Variants in DOK6 observed in about 807,000 individuals in gnomAD.
DOK6 encodes docking protein 6, also known as downstream of tyrosine kinase 6.
Under a neutral mutation model 44.0 loss-of-function variants are expected in DOK6, and 22 were observed. The observed-to-expected ratio is 0.50, with a 90% confidence interval of 0.36 to 0.71. DOK6 has a LOEUF of 0.71. Among genes scored for constraint, DOK6 ranks in the 30% least tolerant of loss-of-function variants. DOK6 has a pLI of 0.00. For missense variants in DOK6, 340 were observed against 416.4 expected (o/e 0.82, Z 1.60); for synonymous variants, 166 against 145.5 (o/e 1.14, Z -1.01).
At chr18:69,820,524 G>T (rs1242383275) in intron 7 of DOK6, among the ~76,000 whole-genome samples, 1 of 152,096 alleles carries the variant, frequency 6.6e-6, no homozygotes, top group Non-Finnish European at 1.5e-5. Context: ...CCTTAAACTT[G>T]CTATTTTTAA....
intron 1 of DOK6, among the ~76,000 whole-genome samples, chr18:69,542,297 G>T (rs1982290541): frequency 6.6e-6 from 1 of 151,422 alleles, no homozygotes; most frequent in Non-Finnish European, 1.5e-5. Flanking sequence ...CATTTTGTAA[G>T]CAGGAATAAT....
chr18:69,427,465 G>A (rs1295065624), intron 1 of DOK6, among the ~76,000 whole-genome samples: 1 of 152,148 alleles, frequency 6.6e-6, no homozygotes, highest in Admixed American at 6.5e-5. Flanking sequence ...TACAGATGAT[G>A]GCAAGGTGGT....
intron 1 of DOK6, among the ~76,000 whole-genome samples, chr18:69,444,327 G>T (rs1462523865): frequency 6.6e-6 from 1 of 152,112 alleles, no homozygotes; most frequent in Non-Finnish European, 1.5e-5. Flanking sequence ...TATTTGAAGA[G>T]AACTAAAGAA....
At chr18:69,742,843 T>A (rs781542810) in intron 6 of DOK6, among the ~76,000 whole-genome samples, 1 of 152,238 alleles carries the variant, frequency 6.6e-6, no homozygotes. Context: ...ATCACCATCA[T>A]TGAATTTTGC....
At chr18:69,711,602 A>C (rs1986758577) in intron 5 of DOK6, among the ~76,000 whole-genome samples, 1 of 152,236 alleles carries the variant, frequency 6.6e-6, no homozygotes, top group African/African-American at 2.4e-5. Flanking sequence ...GCTCCTTGAA[A>C]TTCTGAACAA....
In DOK6 at chr18:69,542,560, C is replaced by T. The variant is rs1000039437; in HGVS notation, c.67-21927C>T. 2.6e-5 allele frequency among the ~76,000 whole-genome samples: 4 copies of T among 150,944 alleles called. 1 individual carries two copies. The highest frequency in any genetic ancestry group is 5.9e-5 in the Non-Finnish European group (4 of 67,570). On this transcript the variant is annotated intron_variant, in intron 1 of 7. Coordinates refer to ENST00000382713, the MANE Select transcript of DOK6 (RefSeq NM_152721.6). ...CCAAGTCCAGTTACGTAGCGCTACACGAAAAGCTGGTACATTTTACACAGC... is the reference window on the plus strand; with the variant it reads ...CCAAGTCCAGTTACGTAGCGCTACATGAAAAGCTGGTACATTTTACACAGC...
Position 69,542,673 on chromosome 18 carries a change from A to AT in DOK6, c.67-21805dup, listed in dbSNP as rs201104298. Among the ~76,000 whole-genome samples the AT allele has an allele frequency of 4.0e-4, 61 of 150,660 alleles. 1 individual carries two copies. The highest frequency in any genetic ancestry group is 1.5e-3 in the Admixed American group (22 of 15,094). On this transcript the variant is annotated intron_variant, in intron 1 of 7. Transcript: ENST00000382713. ...GTACTTTTTGCAGTTTCAGAGATTG[A>AT]TTTTTTTTTCTGAGTAAAAACGCTT...
At chr18:69,603,472 C>A (rs1983919267) in intron 3 of DOK6, among the ~76,000 whole-genome samples, 1 of 152,068 alleles carries the variant, frequency 6.6e-6, no homozygotes, top group Non-Finnish European at 1.5e-5. Context: ...TTTCTAGATA[C>A]CCTAAAATAT....
Position 69,638,554 on chromosome 18 carries a change from C to T in DOK6, c.289+39056C>T, listed in dbSNP as rs113581038. On this transcript the variant is annotated intron_variant, in intron 3 of 7. Transcript: ENST00000382713. ...TCCAGGCTGAAGTATTTAGTATTTT[C>T]CAATTTGTACCAGATCAAGTTTGAG... 6.7e-3 allele frequency among the ~76,000 whole-genome samples: 1,008 copies of T among 150,434 alleles called. 12 individuals are homozygous for T. Among genetic ancestry groups the T allele is most frequent in the African/African-American group, 0.022 (899 of 40,986 alleles).
At chr18:69,755,681 T>C (rs542538042) in intron 6 of DOK6, among the ~76,000 whole-genome samples, 1 of 152,362 alleles carries the variant, frequency 6.6e-6, no homozygotes, top group Admixed American at 6.5e-5. Flanking sequence ...GAGGGTGTAA[T>C]GCACGTTTTT....
chr18:69,472,984 T>C (rs1038705545), intron 1 of DOK6, among the ~76,000 whole-genome samples: 4 of 152,226 alleles, frequency 2.6e-5, no homozygotes, highest in African/African-American at 7.2e-5. Context: ...GGCATTAGCT[T>C]CCCTTGTTTC....
intron 7 of DOK6, among the ~76,000 whole-genome samples, chr18:69,795,228 TAAAC>T (rs1980710155): frequency 6.6e-6 from 1 of 152,020 alleles, no homozygotes; most frequent in Non-Finnish European, 1.5e-5. Context: ...ACTAACCTCT[TAAAC>T]AACCAAGACA....
chr18:69,460,477 G>T (rs942787179), intron 1 of DOK6, among the ~76,000 whole-genome samples: 1 of 152,104 alleles, frequency 6.6e-6, no homozygotes, highest in African/African-American at 2.4e-5. Flanking sequence ...AATAATATCA[G>T]TCAGTTTATG....
At chr18:69,492,270 T>C (rs1377017298) in intron 1 of DOK6, among the ~76,000 whole-genome samples, 1 of 152,190 alleles carries the variant, frequency 6.6e-6, no homozygotes, top group African/African-American at 2.4e-5. Flanking sequence ...TCATACACAA[T>C]GTAAAATAAT....
intron 1 of DOK6, among the ~76,000 whole-genome samples, chr18:69,468,327 C>T (rs1979986235): frequency 2.0e-5 from 3 of 152,122 alleles, no homozygotes; most frequent in South Asian, 2.1e-4. Flanking sequence ...TTGGAAGTAG[C>T]CCAGTTACCT....
At chr18:69,762,490 A>G (rs931312110) in intron 7 of DOK6, among the ~76,000 whole-genome samples, 1 of 152,226 alleles carries the variant, frequency 6.6e-6, no homozygotes, top group African/African-American at 2.4e-5. Context: ...AAAGTCTGGC[A>G]ATGTGGGAAT....
intron 1 of DOK6, among the ~76,000 whole-genome samples, chr18:69,420,153 G>C (rs1388865844): frequency 6.6e-6 from 1 of 151,704 alleles, no homozygotes. Context: ...AAAGTACATT[G>C]CTGTTTTGGA....
chr18:69,437,294 T>C (rs1293646947), intron 1 of DOK6, among the ~76,000 whole-genome samples: 1 of 152,220 alleles, frequency 6.6e-6, no homozygotes, highest in Non-Finnish European at 1.5e-5. Flanking sequence ...TTTTAGGTCT[T>C]ACAGTTAAGT....
chr18:69,621,483 T>A (rs1397758309), intron 3 of DOK6, among the ~76,000 whole-genome samples: 1 of 152,224 alleles, frequency 6.6e-6, no homozygotes, highest in Non-Finnish European at 1.5e-5. Context: ...TTTTGCTGTT[T>A]TGTTTTGCCA....
Sources: gnomAD v4.1 joint callset for allele counts (sites outside exome capture counted in the v4.1 genomes callset) on GRCh38, gnomAD v4.1.1 for gene constraint, MANE v1.5 for transcripts, NCBI Gene and HGNC (gene_info 2026-07-23, HGNC 2026-07-21) for gene names.